The following ASH1L variants were observed in gnomAD, a reference collection of about 807,000 sequenced individuals.
The protein encoded by ASH1L is histone-lysine N-methyltransferase ASH1L.
In ASH1L, 23 loss-of-function variants were observed where a neutral mutation model predicts 269.0. The observed-to-expected ratio is 0.09, with a 90% CI of 0.06 to 0.12. ASH1L has a LOEUF of 0.12. Ranked by LOEUF, ASH1L falls within the 10% of genes least tolerant of loss-of-function variation. The pLI, the probability that ASH1L is intolerant of heterozygous loss-of-function variation, is 1.00. For synonymous variants in ASH1L, 1,187 were observed against 1,253.5 expected (o/e 0.95, Z 1.12); for missense variants, 2,912 against 3,567.8 (o/e 0.82, Z 4.68).
intron 20 of ASH1L, 118 bp from the exon 21 acceptor site, chr1:155,346,587 A>G: frequency 1.3e-6 from 1 of 759,376 alleles, no homozygotes; most frequent in Non-Finnish European, 2.3e-6. Context: ...GAACTAAGGG[A>G]TAACTGGGTG....
chr1:155,372,490 G>A (rs984197978), intron 10 of ASH1L, among the ~76,000 whole-genome samples: 1 of 151,420 alleles, frequency 6.6e-6, no homozygotes, highest in Non-Finnish European at 1.5e-5. Flanking sequence ...CGTATTTGTA[G>A]TAGAGACGAG....
intron 4 of ASH1L, among the ~76,000 whole-genome samples, chr1:155,441,311 C>G (rs1430370061): frequency 6.6e-6 from 1 of 151,394 alleles, no homozygotes; most frequent in Non-Finnish European, 1.5e-5. Flanking sequence ...CCCACTCCCA[C>G]CCCGGCCCCG....
chr1:155,490,107 T>C (rs1469790669), intron 2 of ASH1L, among the ~76,000 whole-genome samples: 1 of 151,714 alleles, frequency 6.6e-6, no homozygotes, highest in Non-Finnish European at 1.5e-5. Flanking sequence ...TAGCTGGGAC[T>C]ACGCCCGCCA....
At chr1:155,476,686 G>A (rs535092620) in intron 3 of ASH1L, among the ~76,000 whole-genome samples, 1 of 151,610 alleles carries the variant, frequency 6.6e-6, no homozygotes, top group Non-Finnish European at 1.5e-5. Flanking sequence ...CGAGTAGCTG[G>A]GACTATAAGC....
At chr1:155,550,450 C>T (rs192188388) in intron 1 of ASH1L, among the ~76,000 whole-genome samples, 48 of 152,218 alleles carry the variant, frequency 3.2e-4, no homozygotes, top group Non-Finnish European at 6.2e-4. Context: ...TCTTTAAGTC[C>T]CTATGTTATC....
intron 3 of ASH1L, among the ~76,000 whole-genome samples, chr1:155,470,053 T>C (rs961399992): frequency 6.6e-6 from 1 of 152,156 alleles, no homozygotes; most frequent in Non-Finnish European, 1.5e-5. Flanking sequence ...GAAACACGTG[T>C]CACACATTAT....
intron 5 of ASH1L, among the ~76,000 whole-genome samples, chr1:155,435,426 G>T (rs1662010052): frequency 6.6e-6 from 1 of 152,098 alleles, no homozygotes; most frequent in Non-Finnish European, 1.5e-5. Flanking sequence ...CAGCATTAAA[G>T]AATACACAAT....
intron 7 of ASH1L, among the ~76,000 whole-genome samples, chr1:155,383,264 T>C (rs2148452717): frequency 6.6e-6 from 1 of 152,304 alleles, no homozygotes; most frequent in Admixed American, 6.5e-5. Context: ...GTAGCCTAAG[T>C]GTGCAGTGTT....
intron 4 of ASH1L, among the ~76,000 whole-genome samples, chr1:155,454,286 A>G (rs1663715650): frequency 6.6e-6 from 1 of 152,220 alleles, no homozygotes; most frequent in Non-Finnish European, 1.5e-5. Context: ...ATATTGCTAA[A>G]TGTGAATCAA....
chr1:155,355,709 A>G (rs1234021646), intron 15 of ASH1L, among the ~76,000 whole-genome samples: 3 of 152,192 alleles, frequency 2.0e-5, no homozygotes, highest in Non-Finnish European at 4.4e-5. Context: ...CGAAATTTAA[A>G]ATTTCTACAA....
chr1:155,473,030 CTA>C (rs997374045), intron 3 of ASH1L, among the ~76,000 whole-genome samples: 4 of 152,042 alleles, frequency 2.6e-5, no homozygotes, highest in African/African-American at 9.7e-5. Context: ...GTATGTGTTT[CTA>C]TATAGTTAAA....
intron 4 of ASH1L, among the ~76,000 whole-genome samples, chr1:155,454,835 G>A (rs958859375): frequency 1.3e-5 from 2 of 152,096 alleles, no homozygotes; most frequent in African/African-American, 4.8e-5. Flanking sequence ...TTGCTCTCAA[G>A]ATAAATTGAT....
intron 5 of ASH1L, among the ~76,000 whole-genome samples, chr1:155,416,154 G>A (rs1012125345): frequency 1.5e-4 from 23 of 151,298 alleles, no homozygotes; most frequent in African/African-American, 3.9e-4. Flanking sequence ...TTTTTGAGTC[G>A]GAATCTTTCT....
chr1:155,341,054 C>T (rs1429549446), intron 25 of ASH1L, among the ~76,000 whole-genome samples: 1 of 152,166 alleles, frequency 6.6e-6, no homozygotes, highest in Admixed American at 6.5e-5. Context: ...TCACTGCAAT[C>T]TCTGCCTCCC....
chr1:155,395,355 C>T, intron 7 of ASH1L, 104 bp downstream of exon 7: 1 of 809,414 alleles, frequency 1.2e-6, no homozygotes, highest in Middle Eastern at 2.5e-4. Context: ...GAGCTTGATC[C>T]CACTGGAGAA....
chr1:155,366,523 C>G (rs1423049794), intron 12 of ASH1L, among the ~76,000 whole-genome samples: 2 of 152,130 alleles, frequency 1.3e-5, no homozygotes, highest in African/African-American at 4.8e-5. Context: ...ACACTCAACC[C>G]TTGAACATTG....
At chr1:155,544,650 AT>A (rs1219918284) in intron 1 of ASH1L, among the ~76,000 whole-genome samples, 22 of 152,198 alleles carry the variant, frequency 1.4e-4, no homozygotes. Flanking sequence ...GACAAGTATG[AT>A]TATGTTAAAG....
At chr1:155,348,127 T>C (rs1031185896) in intron 19 of ASH1L, among the ~76,000 whole-genome samples, 2 of 152,200 alleles carry the variant, frequency 1.3e-5, no homozygotes, top group South Asian at 2.1e-4. Flanking sequence ...GCTCAACTGA[T>C]CTGTCATTCA....
chr1:155,493,961 T>C (rs961925238), intron 2 of ASH1L, among the ~76,000 whole-genome samples: 1 of 151,926 alleles, frequency 6.6e-6, no homozygotes, highest in African/African-American at 2.4e-5. Flanking sequence ...TAAAAAAAAA[T>C]CCAAAAACAT....
Sources: allele counts gnomAD v4.1 joint callset (sites outside exome capture counted in the v4.1 genomes callset), GRCh38; gene constraint gnomAD v4.1.1; transcripts MANE v1.5; gene names NCBI Gene and HGNC (gene_info 2026-07-23, HGNC 2026-07-21).